The following MAP2K4 variants were observed in gnomAD, a reference collection of about 807,000 sequenced individuals.
MAP2K4 encodes the protein mitogen-activated protein kinase kinase 4.
MAP2K4 carries 4 observed loss-of-function variants against 48.5 expected under a neutral mutation model. That is an observed-to-expected ratio of 0.08 (90% CI 0.04 to 0.19). MAP2K4 has a LOEUF of 0.19. Ranked by LOEUF, MAP2K4 falls within the 10% of genes least tolerant of loss-of-function variation. The pLI, the probability that MAP2K4 is intolerant of heterozygous loss-of-function variation, is 1.00. For missense variants in MAP2K4, 258 were observed against 493.3 expected (o/e 0.52, Z 4.52); for synonymous variants, 166 against 173.1 (o/e 0.96, Z 0.32).
At chr17:12,091,410 T>TA (rs1234162498) in intron 3 of MAP2K4, among the ~76,000 whole-genome samples, 8 of 152,232 alleles carry the variant, frequency 5.3e-5, no homozygotes, top group African/African-American at 1.4e-4. Context: ...GGATCATTTG[T>TA]AACTGAACAT....
intron 4 of MAP2K4, among the ~76,000 whole-genome samples, chr17:12,105,212 A>G (rs1972068786): frequency 6.6e-6 from 1 of 152,092 alleles, no homozygotes; most frequent in African/African-American, 2.4e-5. Flanking sequence ...GTCCTTGAAA[A>G]TTTTGATTAG....
intron 3 of MAP2K4, among the ~76,000 whole-genome samples, chr17:12,088,905 C>T (rs1484321446): frequency 1.3e-5 from 2 of 148,210 alleles, no homozygotes; most frequent in African/African-American, 2.5e-5. Flanking sequence ...ATACAGAATA[C>T]AGATTCTTTT....
chr17:12,097,840 T>G (rs1421774361), intron 4 of MAP2K4, among the ~76,000 whole-genome samples: 1 of 152,148 alleles, frequency 6.6e-6, no homozygotes, highest in East Asian at 1.9e-4. Context: ...TATGAAGATA[T>G]ATATATGCTT....
At chr17:12,047,471 A>G (rs1220871335) in intron 1 of MAP2K4, among the ~76,000 whole-genome samples, 3 of 152,206 alleles carry the variant, frequency 2.0e-5, no homozygotes, top group African/African-American at 7.2e-5. Context: ...GAGATATTAT[A>G]TAGCTAGTAA....
At chr17:12,024,821 G>T (rs1969205919) in intron 1 of MAP2K4, among the ~76,000 whole-genome samples, 1 of 152,176 alleles carries the variant, frequency 6.6e-6, no homozygotes, top group African/African-American at 2.4e-5. Flanking sequence ...TAGCATTCAA[G>T]AACCTTCCTA....
intron 4 of MAP2K4, among the ~76,000 whole-genome samples, chr17:12,095,944 G>A (rs533424046): frequency 6.9e-6 from 1 of 144,802 alleles, no homozygotes; most frequent in South Asian, 2.2e-4. Flanking sequence ...AGTATTGGTG[G>A]CTGTCATTTG....
At chr17:12,130,518 T>C (rs1972988938) in intron 9 of MAP2K4, among the ~76,000 whole-genome samples, 1 of 152,204 alleles carries the variant, frequency 6.6e-6, no homozygotes, top group African/African-American at 2.4e-5. Context: ...CTGTGAACCT[T>C]CCATCAGGGT....
intron 4 of MAP2K4, among the ~76,000 whole-genome samples, chr17:12,104,362 A>G (rs950217135): frequency 3.9e-5 from 6 of 152,112 alleles, no homozygotes; most frequent in African/African-American, 1.4e-4. Flanking sequence ...TTTTAGCCAC[A>G]TACATTGTAC....
At chr17:12,045,716 A>G (rs1203072215) in intron 1 of MAP2K4, among the ~76,000 whole-genome samples, 1 of 152,220 alleles carries the variant, frequency 6.6e-6, no homozygotes, top group East Asian at 1.9e-4. Context: ...GAGTTGGATT[A>G]GGAGGCAGAG....
intron 2 of MAP2K4, among the ~76,000 whole-genome samples, chr17:12,079,334 CTG>C (rs1971115852): frequency 6.6e-6 from 1 of 152,104 alleles, no homozygotes; most frequent in South Asian, 2.1e-4. Flanking sequence ...AATATTGTAA[CTG>C]TTTTCATTCT....
chr17:12,116,882 A>G (rs763733397), intron 7 of MAP2K4, among the ~76,000 whole-genome samples: 1 of 152,210 alleles, frequency 6.6e-6, no homozygotes, highest in Non-Finnish European at 1.5e-5. Context: ...TGTATGTGCT[A>G]TACTTTTAAA....
At chr17:12,047,494 A>G (rs931526077) in intron 1 of MAP2K4, among the ~76,000 whole-genome samples, 2 of 152,192 alleles carry the variant, frequency 1.3e-5, no homozygotes, top group Admixed American at 1.3e-4. Context: ...AGCAGAGTTG[A>G]GCTTCAAAAC....
intron 1 of MAP2K4, among the ~76,000 whole-genome samples, chr17:12,051,596 G>A (rs1349064783): frequency 2.0e-5 from 3 of 152,164 alleles, no homozygotes; most frequent in Non-Finnish European, 2.9e-5. Flanking sequence ...AATTCATAAT[G>A]TTTTTGATCA....
intron 2 of MAP2K4, among the ~76,000 whole-genome samples, chr17:12,059,793 C>G (rs1970393605): frequency 6.6e-6 from 1 of 152,176 alleles, no homozygotes; most frequent in African/African-American, 2.4e-5. Flanking sequence ...CTTGATGAGC[C>G]TTCTCAGTAG....
chr17:12,137,608 G>C (rs1199267183), intron 9 of MAP2K4, among the ~76,000 whole-genome samples: 2 of 152,106 alleles, frequency 1.3e-5, no homozygotes, highest in East Asian at 3.9e-4. Context: ...TGAAGAATCA[G>C]AACAGATTGC....
At chr17:12,107,995 C>A (rs1972177504) in intron 5 of MAP2K4, 86 bp downstream of exon 5, 2 of 1,190,000 alleles carry the variant, frequency 1.7e-6, no homozygotes, top group Non-Finnish European at 2.3e-6. Context: ...ATTTGAGTGT[C>A]ACTCACAGTA....
chr17:12,055,232 TTAA>T (rs1378732132), intron 2 of MAP2K4, among the ~76,000 whole-genome samples: 1 of 152,142 alleles, frequency 6.6e-6, no homozygotes, highest in Non-Finnish European at 1.5e-5. Context: ...GAGTCCCATC[TTAA>T]TAAGCTAGAT....
chr17:12,135,288 T>C (rs1299882468), intron 9 of MAP2K4, among the ~76,000 whole-genome samples: 1 of 152,082 alleles, frequency 6.6e-6, no homozygotes, highest in African/African-American at 2.4e-5. Context: ...GGTTTCTCCA[T>C]GTTGGTCAGG....
intron 2 of MAP2K4, among the ~76,000 whole-genome samples, chr17:12,077,564 A>G (rs1354136781): frequency 1.3e-5 from 2 of 152,118 alleles, no homozygotes; most frequent in African/African-American, 4.8e-5. Context: ...TTCTCAGGAC[A>G]TTATTTCAGT....
Sources: gnomAD v4.1 joint callset for allele counts (sites outside exome capture counted in the v4.1 genomes callset) on GRCh38, gnomAD v4.1.1 for gene constraint, MANE v1.5 for transcripts, NCBI Gene and HGNC (gene_info 2026-07-23, HGNC 2026-07-21) for gene names.